SSH2: variants seen among roughly 807,000 people sequenced by gnomAD.
The protein encoded by SSH2 is protein phosphatase Slingshot homolog 2.
Under a neutral mutation model 135.2 loss-of-function variants are expected in SSH2, and 37 were observed. That is an observed-to-expected ratio of 0.27 (90% CI 0.21 to 0.36). The LOEUF is 0.36. Among genes scored for constraint, SSH2 ranks in the 10% least tolerant of loss-of-function variants. The pLI is 1.00. For synonymous variants in SSH2, 628 were observed against 646.2 expected, an observed-to-expected ratio of 0.97 and a Z score of 0.43; for missense variants, 1,408 against 1,765.3, an observed-to-expected ratio of 0.80 and a Z score of 3.63.
At chr17:29,785,317 GTA>G (rs1256064793) in intron 3 of SSH2, among the ~76,000 whole-genome samples, 1 of 151,812 alleles carries the variant, frequency 6.6e-6, no homozygotes, top group Non-Finnish European at 1.5e-5. Context: ...AGATCTCAAA[GTA>G]CTTTGTTTCC....
chr17:29,926,239 A>T (rs900544907), intron 1 of SSH2, among the ~76,000 whole-genome samples: 23 of 152,048 alleles, frequency 1.5e-4, no homozygotes, highest in African/African-American at 5.5e-4. Context: ...TATCTACTAG[A>T]TCAATTTTCT....
chr17:29,632,838 T>G lies in SSH2; in HGVS notation c.2356A>C (p.Ile786Leu), dbSNP rs1383571891. ...VKEIVTEIES[I>L]SQGVGQIQLK... is the part of the protein sequence containing the mutation. ...TGAATCTGCCCAACTCCTTGACTGA[T>G]GGACTCAATTTCAGTGACAATTTCT... The change falls in exon 16 of 16, where the codon ATC (isoleucine) becomes CTC (leucine). Residue 786 changes from isoleucine to leucine, a missense_variant. Physicochemically the swap from Ile to Leu is conservative, Grantham distance 5. Around this residue, in one of 3 missense-constraint regions of SSH2, gnomAD observed 1,080 missense variants for 1,144.5 expected, o/e 0.94. Transcript: ENST00000540801. The G allele has an allele frequency of 1.2e-6, 2 of 1,614,102 alleles. No homozygotes were observed. The highest frequency in any genetic ancestry group is 2.7e-5 in the African/African-American group (2 of 74,930).
chr17:29,826,052 T>C (rs1319824579), intron 2 of SSH2, among the ~76,000 whole-genome samples: 1 of 152,232 alleles, frequency 6.6e-6, no homozygotes, highest in African/African-American at 2.4e-5. Flanking sequence ...TCACCTGAAG[T>C]GTTTAGAAAA....
At chr17:29,779,498 CCA>C (rs1466232288) in intron 3 of SSH2, among the ~76,000 whole-genome samples, 2 of 152,030 alleles carry the variant, frequency 1.3e-5, no homozygotes, top group African/African-American at 4.8e-5. Context: ...AAAGTGTAAC[CCA>C]CATGGTGGGA....
chr17:29,797,339 C>T (rs2042176011), intron 2 of SSH2, among the ~76,000 whole-genome samples: 1 of 152,114 alleles, frequency 6.6e-6, no homozygotes, highest in Non-Finnish European at 1.5e-5. Context: ...GGTTTTCCAC[C>T]ACAGATTTTT....
chr17:29,846,536 T>G (rs964910048), intron 2 of SSH2, among the ~76,000 whole-genome samples: 47 of 152,314 alleles, frequency 3.1e-4, no homozygotes, highest in African/African-American at 8.4e-4. Context: ...TAATAAGTGT[T>G]CACATGGATT....
At chr17:29,883,247 ACT>A (rs1466187373) in intron 1 of SSH2, 2 of 152,208 alleles carry the variant, frequency 1.3e-5, no homozygotes, top group Non-Finnish European at 2.9e-5. Context: ...AAGAATTTAA[ACT>A]CTGAATAATG....
At chr17:29,795,202 G>A (rs2042136321) in intron 2 of SSH2, among the ~76,000 whole-genome samples, 1 of 152,110 alleles carries the variant, frequency 6.6e-6, no homozygotes, top group Non-Finnish European at 1.5e-5. Flanking sequence ...AAAATACCAT[G>A]CCCAGCTGCA....
chr17:29,643,196 T>C, intron 14 of SSH2: 1 of 985,360 alleles, frequency 1.0e-6, no homozygotes, highest in Non-Finnish European at 1.2e-6. Flanking sequence ...AGTGGTACTT[T>C]GGTGCTGGGC....
chr17:29,881,531 T>C (rs1487012652), intron 1 of SSH2, among the ~76,000 whole-genome samples: 1 of 152,118 alleles, frequency 6.6e-6, no homozygotes, highest in Non-Finnish European at 1.5e-5. Flanking sequence ...AGACAGAGTC[T>C]TGCTCTGTCA....
At chr17:29,774,954 ATACTCGTTGTGCTCTCAC>A (rs2041665478) in intron 3 of SSH2, among the ~76,000 whole-genome samples, 1 of 152,104 alleles carries the variant, frequency 6.6e-6, no homozygotes, top group African/African-American at 2.4e-5. Flanking sequence ...GCAGTATCCT[ATACTCGTTGTGCTCTCAC>A]TGCAGTTCCC....
At chr17:29,857,413 C>G (rs2065682138) in intron 1 of SSH2, among the ~76,000 whole-genome samples, 1 of 152,088 alleles carries the variant, frequency 6.6e-6, no homozygotes, top group South Asian at 2.1e-4. Flanking sequence ...TCAGTTACCT[C>G]CCACCAGAGT....
chr17:29,803,473 C>A (rs2042287490), intron 2 of SSH2, among the ~76,000 whole-genome samples: 2 of 152,240 alleles, frequency 1.3e-5, no homozygotes, highest in Middle Eastern at 3.4e-3. Context: ...CAGGGTTGGT[C>A]TTCTTGAATA....
chr17:29,656,756 A>G (rs2036797725), intron 11 of SSH2, among the ~76,000 whole-genome samples: 1 of 152,064 alleles, frequency 6.6e-6, no homozygotes, highest in Non-Finnish European at 1.5e-5. Context: ...ACCATCTGAG[A>G]GCATTTTGTG....
At chr17:29,856,712 C>T (rs1428500974) in intron 1 of SSH2, among the ~76,000 whole-genome samples, 1 of 152,208 alleles carries the variant, frequency 6.6e-6, no homozygotes, top group Non-Finnish European at 1.5e-5. Context: ...CCTACCACAA[C>T]CCCATTCCTA....
chr17:29,741,335 C>A (rs2040546269), intron 3 of SSH2, among the ~76,000 whole-genome samples: 3 of 152,016 alleles, frequency 2.0e-5, no homozygotes, highest in East Asian at 1.9e-4. Context: ...CCTAGCAATC[C>A]CAGAATTGAC....
At chr17:29,641,545 T>A (rs2036160218) in intron 14 of SSH2, 1 of 152,192 alleles carries the variant, frequency 6.6e-6, no homozygotes, top group South Asian at 2.1e-4. Flanking sequence ...GGTGATGAGG[T>A]CATTCTGGGA....
Position 29,626,733 on chromosome 17 carries a change from C to T in SSH2, c.*4108G>A, listed in dbSNP as rs955494397. On this transcript the variant is annotated 3_prime_UTR_variant, in exon 16 of 16. Transcript: ENST00000540801. ...AGGGTTAGGAGTGTGCAGCTTCCTG[C>T]TTTGGTGGCAGGCCTTTTCCTAATA... is the stretch of plus-strand genomic sequence containing the variant. 6.6e-6 allele frequency: 1 copy of T among 152,652 alleles called. No homozygotes were observed. Among genetic ancestry groups the T allele is most frequent in the African/African-American group, 2.4e-5 (1 of 41,450 alleles). 9.5% of individuals were successfully genotyped at this position (152,652 alleles called of 1,614,324 possible). A position where few individuals can be genotyped will look rare whatever the true frequency, so the allele number is the denominator to read the frequency against.
intron 3 of SSH2, among the ~76,000 whole-genome samples, chr17:29,783,007 C>A (rs1051503357): frequency 6.6e-6 from 1 of 152,128 alleles, no homozygotes; most frequent in African/African-American, 2.4e-5. Context: ...AGGCATGAGC[C>A]ACCGCGCCTG....
Sources: gnomAD v4.1 joint callset for allele counts (sites outside exome capture counted in the v4.1 genomes callset) on GRCh38, gnomAD v4.1.1 for gene constraint, gnomAD v4.1.1 regional missense constraint, MANE v1.5 for transcripts, NCBI Gene and HGNC (gene_info 2026-07-23, HGNC 2026-07-21) for gene names.